The following CELF2 variants were observed in gnomAD, a reference collection of about 807,000 sequenced individuals.
CELF2 encodes CUG triplet repeat RNA-binding protein 2.
A neutral mutation model predicts 62.6 loss-of-function variants in CELF2; 8 were observed. The ratio of observed to expected loss-of-function variants is 0.13; its 90% CI spans 0.07 to 0.23. CELF2 has a LOEUF of 0.23. Ranked by LOEUF, CELF2 falls within the 10% of genes least tolerant of loss-of-function variation. The pLI, the probability that CELF2 is intolerant of heterozygous loss-of-function variation, is 1.00. For missense variants in CELF2, 333 were observed against 671.0 expected (o/e 0.50, Z 5.56); for synonymous variants, 258 against 250.0 (o/e 1.03, Z -0.30).
intron 2 of CELF2, among the ~76,000 whole-genome samples, chr10:11,171,825 A>G (rs1477265509): frequency 1.4e-5 from 2 of 147,766 alleles, no homozygotes; most frequent in African/African-American, 2.5e-5. Flanking sequence ...CGGGTTGATC[A>G]TCTTACAAAC....
the CELF2 span, among the ~76,000 whole-genome samples, chr10:10,666,114 T>C: frequency 6.6e-6 from 1 of 152,232 alleles, no homozygotes; most frequent in African/African-American, 2.4e-5. Context: ...TTCATACTTA[T>C]TTACTGGGTT....
rs142057424 is a variant in CELF2, at chr10:11,318,422, C to G, written c.1097-2767C>G. 5.0e-4 allele frequency: 147 copies of G among 291,648 alleles called. 1 individual carries two copies. Among genetic ancestry groups the G allele is most frequent in the African/African-American group, 2.9e-3 (130 of 44,954 alleles). The allele number at this position is 291,648 out of a possible 1,614,324, so 18.1% of individuals were successfully genotyped here. On this transcript the variant is annotated intron_variant, in intron 10 of 12. Transcript: ENST00000633077. This position sits in a 1 kb window ranked among gnomAD's most constrained non-coding sequence, Gnocchi z 5.4. Reference sequence around the variant, plus strand: ...CATCTGCATCCCTTGCTCATGGTACCGCCTCTGCCACCTCCCCAGGGAAAC... The same window carrying G: ...CATCTGCATCCCTTGCTCATGGTACGGCCTCTGCCACCTCCCCAGGGAAAC...
chr10:10,525,972 A>G, the CELF2 span, among the ~76,000 whole-genome samples: 1 of 152,160 alleles, frequency 6.6e-6, no homozygotes, highest in African/African-American at 2.4e-5. Flanking sequence ...TTGATTCTAC[A>G]TTCTGCCAAC....
chr10:11,142,060 G>T lies in CELF2; in HGVS notation c.75-23426G>T, dbSNP rs191374091. ...GACATCATACTTTCCCACTTGTTAAGTAATACCTTAACCAGGTAGCTGCCT... is the reference window on the plus strand; with the variant it reads ...GACATCATACTTTCCCACTTGTTAATTAATACCTTAACCAGGTAGCTGCCT... On this transcript the variant is annotated intron_variant, in intron 1 of 12. Coordinates refer to ENST00000633077, the MANE Select transcript of CELF2 (RefSeq NM_001326342.2). Among the ~76,000 whole-genome samples, 128 of 152,298 alleles carry T rather than the reference G, an allele frequency of 8.4e-4. 1 individual carries two copies. Among genetic ancestry groups the T allele is most frequent in the Middle Eastern group, 3.4e-3 (1 of 294 alleles).
At chr10:10,954,971 C>T (rs1417362399) in intron 2 of CELF2, among the ~76,000 whole-genome samples, 1 of 152,214 alleles carries the variant, frequency 6.6e-6, no homozygotes, top group African/African-American at 2.4e-5. Flanking sequence ...AGGTCAACTG[C>T]CTATTTCAAA....
chr10:10,932,735 C>T (rs2135197413), intron 2 of CELF2, among the ~76,000 whole-genome samples: 1 of 151,326 alleles, frequency 6.6e-6, no homozygotes, highest in East Asian at 2.0e-4. Context: ...TAACATATAC[C>T]TGGACCAAAG....
the CELF2 span, among the ~76,000 whole-genome samples, chr10:10,552,606 G>A: frequency 6.6e-6 from 1 of 152,148 alleles, no homozygotes; most frequent in African/African-American, 2.4e-5. Context: ...AACCTTCTGA[G>A]TGTTTTTGTG....
chr10:10,920,027 T>A, intron 2 of CELF2: 1 of 1,226,378 alleles, frequency 8.2e-7, no homozygotes, highest in East Asian at 3.2e-5. Context: ...GCTTATTCTA[T>A]GCCCGATTTC....
intron 1 of CELF2, among the ~76,000 whole-genome samples, chr10:11,100,970 A>G (rs1595266899): frequency 6.6e-6 from 1 of 152,152 alleles, no homozygotes; most frequent in South Asian, 2.1e-4. Flanking sequence ...TCCACTAAAC[A>G]CCTTTGGGGC....
rs1009996916 is a variant in CELF2, at chr10:11,232,976, G to C, written c.354+15469G>C. Among the ~76,000 whole-genome samples the C allele has an allele frequency of 2.0e-5, 3 of 152,124 alleles. No homozygotes were observed. In the South Asian group the frequency reaches 6.2e-4, roughly 32 times the overall value. ...CTTGGACTCCTTGGATGTGTTCATA[G>C]GCATTTTATCTTGACTCTGTTCTCT... On this transcript the variant is annotated intron_variant, in intron 3 of 12. Transcript: ENST00000633077.
At chr10:11,095,559 A>G (rs116575250) in intron 1 of CELF2, among the ~76,000 whole-genome samples, 1,571 of 152,330 alleles carry the variant, frequency 0.01, 22 homozygotes, top group African/African-American at 0.036. Flanking sequence ...TAACAGGCAT[A>G]TAAGCTTGCA....
intron 1 of CELF2, among the ~76,000 whole-genome samples, chr10:10,831,161 T>C (rs952533937): frequency 3.3e-5 from 5 of 152,228 alleles, no homozygotes; most frequent in African/African-American, 1.2e-4. Flanking sequence ...CTGAAGTGAA[T>C]TGGATTTCCA....
chr10:11,084,390 A>C (rs1256828454), intron 1 of CELF2, among the ~76,000 whole-genome samples: 2 of 152,252 alleles, frequency 1.3e-5, no homozygotes, highest in Non-Finnish European at 2.9e-5. Flanking sequence ...GGGTTGAAAG[A>C]AGGCGTGTGC....
Position 11,243,371 on chromosome 10 carries a change from A to AG in CELF2, c.355-5782_355-5781insG. On this transcript the variant is annotated intron_variant, in intron 3 of 12. Transcript: ENST00000633077. This position sits in a 1 kb window ranked among gnomAD's most constrained non-coding sequence, Gnocchi z 4.1. ...GCAAAATGTTATTCAAAAAAAAAAA[A>AG]AAAAAGCTTCTAAAAATTCATGTAC... Among the ~76,000 whole-genome samples the AG allele has an allele frequency of 6.6e-6, 1 of 152,244 alleles. No homozygotes were observed. The highest frequency in any genetic ancestry group is 1.9e-4 in the East Asian group (1 of 5,184).
intron 3 of CELF2, among the ~76,000 whole-genome samples, chr10:11,230,451 C>G (rs1369376128): frequency 1.3e-5 from 2 of 152,214 alleles, no homozygotes; most frequent in African/African-American, 4.8e-5. Flanking sequence ...TGTGTGCACA[C>G]ACACTTCTCG....
intron 8 of CELF2, among the ~76,000 whole-genome samples, chr10:11,279,960 G>A (rs968765819): frequency 6.6e-5 from 10 of 152,110 alleles, no homozygotes; most frequent in Admixed American, 1.3e-4. Context: ...CCCCTGGTTC[G>A]AGAGGTGCCC....
intron 9 of CELF2, among the ~76,000 whole-genome samples, chr10:11,299,898 C>T (rs1443610669): frequency 6.6e-6 from 1 of 151,974 alleles, no homozygotes. Context: ...ACTTTTGTTT[C>T]AGTAAATCAT....
At chr10:10,693,220 G>A in the CELF2 span, among the ~76,000 whole-genome samples, 2 of 121,328 alleles carry the variant, frequency 1.6e-5, no homozygotes, top group East Asian at 4.6e-4. Context: ...TTAGCATGAA[G>A]GGTTGTTGAA....
intron 3 of CELF2, among the ~76,000 whole-genome samples, chr10:11,235,504 G>C (rs1329888854): frequency 6.6e-6 from 1 of 152,170 alleles, no homozygotes; most frequent in African/African-American, 2.4e-5. Flanking sequence ...CTACCAACCA[G>C]TATTTTCCAA....
Sources: gnomAD v4.1 joint callset for allele counts (sites outside exome capture counted in the v4.1 genomes callset) on GRCh38, gnomAD v4.1.1 for gene constraint, Gnocchi (gnomAD v3.1) non-coding constraint, MANE v1.5 for transcripts, NCBI Gene and HGNC (gene_info 2026-07-23, HGNC 2026-07-21) for gene names.